FBLN5: variants seen among roughly 807,000 people sequenced by gnomAD.
The protein encoded by FBLN5 is fibulin-5.
Under a neutral mutation model 61.6 loss-of-function variants are expected in FBLN5, and 24 were observed. The observed-to-expected ratio is 0.39, with a 90% CI of 0.28 to 0.55. The LOEUF is 0.55. FBLN5 is among the 20% of genes least tolerant of loss of function. The pLI is 0.65. For missense variants in FBLN5, 470 were observed against 594.1 expected, an observed-to-expected ratio of 0.79 and a Z score of 2.17; for synonymous variants, 213 against 219.8, an observed-to-expected ratio of 0.97 and a Z score of 0.27.
At chr14:91,913,590 T>C (rs1207827479) in intron 4 of FBLN5, among the ~76,000 whole-genome samples, 1 of 152,212 alleles carries the variant, frequency 6.6e-6, no homozygotes, top group Non-Finnish European at 1.5e-5. Context: ...TGTGGAGTTA[T>C]TTTGGAATAT....
intron 6 of FBLN5, among the ~76,000 whole-genome samples, chr14:91,890,719 G>T (rs750940937): frequency 5.3e-5 from 8 of 152,224 alleles, no homozygotes; most frequent in Admixed American, 2.0e-4. Flanking sequence ...ACCCTTTGCT[G>T]AGGAACAGGC....
chr14:91,902,724 G>A (rs1050506986), intron 4 of FBLN5, among the ~76,000 whole-genome samples: 1 of 152,204 alleles, frequency 6.6e-6, no homozygotes, highest in Non-Finnish European at 1.5e-5. Flanking sequence ...GAGTAACAAG[G>A]TGCTAGACTG....
chr14:91,883,130 G>T, intron 7 of FBLN5, 54 bp from the exon 8 acceptor site: 9 of 1,601,308 alleles, frequency 5.6e-6, no homozygotes, highest in Non-Finnish European at 7.7e-6. Flanking sequence ...ATGGGGATGG[G>T]AGCTTAGTGG....
chr14:91,894,821 A>ACCCCCCCCCC, intron 5 of FBLN5, 129 bp downstream of exon 5: 29 of 448,480 alleles, frequency 6.5e-5, no homozygotes, highest in South Asian at 8.3e-5. Context: ...ATAGCCTTCC[A>ACCCCCCCCCC]CCCCTCCCGC....
chr14:91,885,735 C>T (rs985662247), intron 7 of FBLN5, among the ~76,000 whole-genome samples: 1 of 152,158 alleles, frequency 6.6e-6, no homozygotes, highest in Non-Finnish European at 1.5e-5. Flanking sequence ...GGTCACTCTA[C>T]CATATGGCCT....
At chr14:91,930,852 C>T (rs936835713) in intron 4 of FBLN5, among the ~76,000 whole-genome samples, 2 of 152,130 alleles carry the variant, frequency 1.3e-5, no homozygotes, top group Non-Finnish European at 2.9e-5. Flanking sequence ...TGGGGAAAGC[C>T]GTTCGAGGCC....
intron 4 of FBLN5, among the ~76,000 whole-genome samples, chr14:91,929,189 TA>T: frequency 6.6e-6 from 1 of 151,918 alleles, no homozygotes; most frequent in South Asian, 2.1e-4. Flanking sequence ...GCAGATCTAG[TA>T]TCTTCTATGA....
At chr14:91,908,665 C>T (rs553998584) in intron 4 of FBLN5, among the ~76,000 whole-genome samples, 13 of 152,288 alleles carry the variant, frequency 8.5e-5, no homozygotes, top group African/African-American at 2.6e-4. Flanking sequence ...TCCAGTGTTT[C>T]GCCAAATGTG....
chr14:91,921,626 C>T (rs536781980), intron 4 of FBLN5, among the ~76,000 whole-genome samples: 7 of 152,250 alleles, frequency 4.6e-5, no homozygotes, highest in Middle Eastern at 3.4e-3. Context: ...ATTTAATGCA[C>T]GCTGAAGACT....
chr14:91,899,132 G>A (rs920100626), intron 4 of FBLN5, among the ~76,000 whole-genome samples: 1 of 141,696 alleles, frequency 7.1e-6, no homozygotes, highest in Non-Finnish European at 1.5e-5. Flanking sequence ...GCTCTACAGC[G>A]GCTGTGTGTT....
intron 8 of FBLN5, among the ~76,000 whole-genome samples, chr14:91,881,765 A>C (rs975484324): frequency 6.6e-6 from 1 of 151,454 alleles, no homozygotes; most frequent in Admixed American, 6.6e-5. Flanking sequence ...TTATCTCTTA[A>C]TTTTATTTAT....
At chr14:91,913,507 C>T (rs1566817014) in intron 4 of FBLN5, among the ~76,000 whole-genome samples, 1 of 152,198 alleles carries the variant, frequency 6.6e-6, no homozygotes, top group Non-Finnish European at 1.5e-5. Flanking sequence ...GCCTGTTTTC[C>T]AGGCCAAAGG....
chr14:91,934,751 A>G (rs1595345471), intron 4 of FBLN5, among the ~76,000 whole-genome samples: 1 of 152,078 alleles, frequency 6.6e-6, no homozygotes, highest in Admixed American at 6.6e-5. Flanking sequence ...TCTTTTCTCA[A>G]TGATCCCCCC....
rs1889560310 is a variant in FBLN5, at chr14:91,883,226, A to G, written c.740-150T>C. 3.8e-6 allele frequency: 3 copies of G among 789,324 alleles called. No individual in the cohort carries two copies. The South Asian group carries it at 4.3e-5, about 11-fold the overall frequency. The allele number at this position is 789,324 out of a possible 1,614,324, so 48.9% of individuals were successfully genotyped here. A position where few individuals can be genotyped will look rare whatever the true frequency, so the allele number is the denominator to read the frequency against. ...GTCAATTCACTTCTCCAGCACTTCT[A>G]GCAATGGAGAGCTCACTACCTACTG... On this transcript the variant is annotated intron_variant, in intron 7 of 10. Transcript: ENST00000342058.
intron 4 of FBLN5, among the ~76,000 whole-genome samples, chr14:91,931,741 T>C (rs531367902): frequency 1.4e-4 from 21 of 152,226 alleles, no homozygotes; most frequent in Non-Finnish European, 2.5e-4. Context: ...GAACTTGGAA[T>C]GTCCACCCAG....
At position 91,869,419 on chromosome 14, in the gene FBLN5, A is replaced by C. The variant is rs1449444010; in HGVS notation, c.*805T>G. The C allele has an allele frequency of 1.3e-5, 2 of 152,228 alleles. No individual in the cohort carries two copies. Among genetic ancestry groups the C allele is most frequent in the African/African-American group, 4.8e-5 (2 of 41,414 alleles). 9.4% of individuals were successfully genotyped at this position (152,228 alleles called of 1,614,324 possible). A position where few individuals can be genotyped will look rare whatever the true frequency, so the allele number is the denominator to read the frequency against. On this transcript the variant is annotated 3_prime_UTR_variant, in exon 11 of 11. Coordinates refer to ENST00000342058, the MANE Select transcript of FBLN5 (RefSeq NM_006329.4). ...ATGAACCAAACACAAGCTCTCTTCA[A>C]ATATTTAATCAGTTTGGAGACCTCT... is the stretch of plus-strand genomic sequence containing the variant.
intron 3 of FBLN5, chr14:91,939,941 CAG>C: frequency 4.4e-6 from 2 of 453,652 alleles, no homozygotes; most frequent in South Asian, 1.6e-5. Flanking sequence ...GCTGATTGGT[CAG>C]AGAGATGCTA....
chr14:91,913,931 A>T (rs1891071011), intron 4 of FBLN5, among the ~76,000 whole-genome samples: 1 of 152,266 alleles, frequency 6.6e-6, no homozygotes, highest in African/African-American at 2.4e-5. Flanking sequence ...ACAACTTAAT[A>T]GCAATAAATA....
chr14:91,890,850 C>T (rs887897), intron 6 of FBLN5, among the ~76,000 whole-genome samples: 3,696 of 152,280 alleles, frequency 0.024, 70 homozygotes, highest in Non-Finnish European at 0.038. Flanking sequence ...CCCTGACCAA[C>T]CCTCCTCAGG....
Sources: gnomAD v4.1 joint callset for allele counts (sites outside exome capture counted in the v4.1 genomes callset) on GRCh38, gnomAD v4.1.1 for gene constraint, MANE v1.5 for transcripts, NCBI Gene and HGNC (gene_info 2026-07-23, HGNC 2026-07-21) for gene names.